LAMA3: variants seen among roughly 807,000 people sequenced by gnomAD.
LAMA3 encodes laminin subunit alpha-3.
A neutral mutation model predicts 402.0 loss-of-function variants in LAMA3; 281 were observed. The ratio of observed to expected loss-of-function variants is 0.70; its 90% CI spans 0.63 to 0.77. The LOEUF (loss-of-function observed/expected upper bound fraction) is 0.77, where lower values mean the gene tolerates loss of function less well. Ranked by LOEUF, LAMA3 falls within the 30% of genes least tolerant of loss-of-function variation. The pLI is 0.00. For synonymous variants in LAMA3, 1,431 were observed against 1,558.4 expected, an observed-to-expected ratio of 0.92 and a Z score of 1.93; for missense variants, 3,840 against 4,215.5, an observed-to-expected ratio of 0.91 and a Z score of 2.47.
At position 23,839,636 on chromosome 18, in the gene LAMA3, A is replaced by G. The variant is rs2063655045; in HGVS notation, c.3192-149A>G. 1 of 754,392 alleles carries G rather than the reference A, an allele frequency of 1.3e-6. No homozygotes were observed. Among genetic ancestry groups the G allele is most frequent in the Non-Finnish European group, 2.3e-6 (1 of 441,580 alleles). The allele number at this position is 754,392 out of a possible 1,614,324, so 46.7% of individuals were successfully genotyped here. A position where few individuals can be genotyped will look rare whatever the true frequency, so the allele number is the denominator to read the frequency against. On this transcript the variant is annotated intron_variant, in intron 26 of 74. Transcript: ENST00000313654. The surrounding 1 kb of genome is among the most constrained non-coding windows in gnomAD (Gnocchi z 4.5). ...CACTTGGCATGAGTATCATTATATA[A>G]AGATCCCTAGAGTTCTGTGCTTCCC...
intron 66 of LAMA3, among the ~76,000 whole-genome samples, chr18:23,932,948 G>A (rs866851511): frequency 1.3e-4 from 20 of 152,304 alleles, no homozygotes; most frequent in Admixed American, 6.5e-4. Flanking sequence ...CCTGGTTGAT[G>A]AAACATCTTC....
chr18:23,775,202 TACTTGC>T (rs2062286984), intron 9 of LAMA3, among the ~76,000 whole-genome samples: 1 of 152,230 alleles, frequency 6.6e-6, no homozygotes, highest in South Asian at 2.1e-4. Context: ...AATCTTCTTA[TACTTGC>T]ACTATGCCTT....
chr18:23,819,451 A>G (rs531177294), intron 18 of LAMA3, among the ~76,000 whole-genome samples: 3 of 152,348 alleles, frequency 2.0e-5, no homozygotes, highest in East Asian at 3.9e-4. Context: ...TGCCTGGCAC[A>G]TAGACATTAA....
chr18:23,799,671 G>A (rs916767789), intron 12 of LAMA3, among the ~76,000 whole-genome samples: 3 of 152,158 alleles, frequency 2.0e-5, no homozygotes, highest in Non-Finnish European at 4.4e-5. Context: ...AGAAATAGCA[G>A]AACAAGCCTG....
intron 12 of LAMA3, among the ~76,000 whole-genome samples, chr18:23,805,708 G>A (rs945316004): frequency 3.3e-5 from 5 of 152,154 alleles, no homozygotes; most frequent in African/African-American, 1.2e-4. Context: ...TCTAGAATTG[G>A]TGTCAATTTA....
intron 2 of LAMA3, among the ~76,000 whole-genome samples, chr18:23,728,719 A>G (rs1443653989): frequency 6.6e-6 from 1 of 151,996 alleles, no homozygotes; most frequent in Non-Finnish European, 1.5e-5. Flanking sequence ...AAAGCTCTCC[A>G]GTTGTCATCT....
Position 23,775,890 on chromosome 18 carries a change from G to A in LAMA3, c.1372G>A (p.Ala458Thr), listed in dbSNP as rs761041396. ...NFHGDNCEKC[A>T]IGYYNFPFCL... ...CCACGGAGACAACTGTGAGAAGTGT[G>A]CAATTGGATACTACAATTTCCCATT... The change falls in exon 10 of 75, where the codon GCA becomes ACA. Residue 458 changes from alanine (A) to threonine (T), a missense_variant. Around this residue, in one of 3 missense-constraint regions of LAMA3, gnomAD observed 2,109 missense variants for 2,376.0 expected, o/e 0.89. Transcript: ENST00000313654. 6.2e-7 allele frequency: 1 copy of A among 1,614,086 alleles called. No homozygotes were observed. Among genetic ancestry groups the A allele is most frequent in the Non-Finnish European group, 8.5e-7 (1 of 1,179,988 alleles).
intron 12 of LAMA3, among the ~76,000 whole-genome samples, chr18:23,797,713 T>G (rs1427608531): frequency 3.4e-5 from 5 of 148,450 alleles, no homozygotes; most frequent in Admixed American, 2.0e-4. Context: ...AGACTCCGTC[T>G]CAAAAAAAAA....
At chr18:23,803,280 A>G (rs9807351) in intron 12 of LAMA3, among the ~76,000 whole-genome samples, 34,582 of 152,028 alleles carry the variant, frequency 0.23, 5,751 homozygotes, top group East Asian at 0.65. Flanking sequence ...GAATGGTGCC[A>G]TATTGAGGAC....
At chr18:23,785,763 C>A (rs1337176327) in intron 12 of LAMA3, among the ~76,000 whole-genome samples, 1 of 152,124 alleles carries the variant, frequency 6.6e-6, no homozygotes, top group Non-Finnish European at 1.5e-5. Context: ...CAAAGGGTTT[C>A]TTTTTTTCCT....
chr18:23,867,961 CTT>C (rs749325540), intron 37 of LAMA3, 44 bp downstream of exon 37: 2 of 1,411,690 alleles, frequency 1.4e-6, no homozygotes, highest in Non-Finnish European at 1.0e-6. Flanking sequence ...TGTTTTGTGA[CTT>C]AATTATTTCA....
At chr18:23,785,050 C>T (rs906220640) in intron 12 of LAMA3, among the ~76,000 whole-genome samples, 1 of 152,168 alleles carries the variant, frequency 6.6e-6, no homozygotes, top group Non-Finnish European at 1.5e-5. Flanking sequence ...GGGTTTTAAG[C>T]CCAGACTGCT....
chr18:23,755,130 A>G (rs1279773560), intron 6 of LAMA3, among the ~76,000 whole-genome samples: 1 of 152,228 alleles, frequency 6.6e-6, no homozygotes, highest in Non-Finnish European at 1.5e-5. Context: ...CTAAGACACT[A>G]GAAATCAGGT....
chr18:23,835,581 A>G (rs1427394761), intron 24 of LAMA3, among the ~76,000 whole-genome samples: 1 of 152,204 alleles, frequency 6.6e-6, no homozygotes, highest in African/African-American at 2.4e-5. Context: ...GCATGGTTTC[A>G]GTCTAGGAAA....
At chr18:23,941,382 A>G (rs969450787) in intron 68 of LAMA3, among the ~76,000 whole-genome samples, 16 of 140,660 alleles carry the variant, frequency 1.1e-4, no homozygotes, top group African/African-American at 2.6e-5. Context: ...TGAGTTACCA[A>G]CTTCTAACGA....
intron 74 of LAMA3, among the ~76,000 whole-genome samples, chr18:23,953,457 T>C (rs1031210803): frequency 1.3e-4 from 20 of 150,666 alleles, no homozygotes; most frequent in Non-Finnish European, 5.9e-5. Context: ...TTCTCCTGCC[T>C]CAGCCTCCCA....
rs2082709566 is a variant in LAMA3 at position 23,946,265 on chromosome 18, C to T, written c.9332C>T (p.Pro3111Leu). The T allele has an allele frequency of 6.2e-7, 1 of 1,613,998 alleles. No individual in the cohort carries two copies. Among genetic ancestry groups the T allele is most frequent in the African/African-American group, 1.3e-5 (1 of 74,892 alleles). ...AGAGCGCCAGTTTACCTGGGATCAC[C>T]TCCATCAGGGAAACCAAAGGTAAAT... ...SIRAPVYLGS[P>L]PSGKPKSLPT... The change falls in exon 70 of 75, where the codon CCT (proline) becomes CTT (leucine). Residue 3111 changes from proline to leucine, a missense_variant. Physicochemically the swap from Pro to Leu is moderately conservative, Grantham distance 98. This residue lies in a region of LAMA3 where 840 missense variants were observed against 981.9 expected (regional missense o/e 0.86). Coordinates refer to ENST00000313654, the MANE Select transcript of LAMA3 (RefSeq NM_198129.4).
chr18:23,812,198 C>T (rs900927959), intron 13 of LAMA3, among the ~76,000 whole-genome samples: 3 of 152,114 alleles, frequency 2.0e-5, no homozygotes, highest in Non-Finnish European at 4.4e-5. Context: ...TTAAAATAAC[C>T]GGGCATGGTG....
Position 23,846,336 on chromosome 18 carries a change from G to A in LAMA3, c.3759G>A (p.Arg1253=), listed in dbSNP as rs372887792. 19 of 1,614,112 alleles carry A rather than the reference G, an allele frequency of 1.2e-5. No individual in the cohort carries two copies. The highest frequency in any genetic ancestry group is 5.5e-5 in the South Asian group (5 of 91,088). ...CCAGATTCTGTAAGAATTCCGCCAG[G>A]TCCCTGGTGGCCTTTTACCACAAGG... ...TASRFCKNSA[R]SLVAFYHKGA... The change falls in exon 31 of 75, where the codon AGG becomes AGA. Residue 1253 remains arginine (R), a synonymous_variant. Transcript: ENST00000313654.
Sources: allele counts gnomAD v4.1 joint callset (sites outside exome capture counted in the v4.1 genomes callset), GRCh38; gene constraint gnomAD v4.1.1; regional missense constraint gnomAD v4.1.1; non-coding constraint Gnocchi (gnomAD v3.1); transcripts MANE v1.5; gene names NCBI Gene and HGNC (gene_info 2026-07-23, HGNC 2026-07-21).